Variants in UBE3C observed in about 807,000 individuals in gnomAD.
The protein encoded by UBE3C is ubiquitin-protein ligase E3C.
Under a neutral mutation model 129.4 loss-of-function variants are expected in UBE3C, and 42 were observed. The observed-to-expected ratio is 0.32, with a 90% CI of 0.25 to 0.42. The LOEUF (loss-of-function observed/expected upper bound fraction) is 0.42. UBE3C is among the 10% of genes least tolerant of loss of function. UBE3C has a pLI of 1.00. For synonymous variants in UBE3C, 510 were observed against 492.4 expected (o/e 1.04, Z -0.47); for missense variants, 1,049 against 1,319.1 (o/e 0.80, Z 3.17).
At chr7:157,183,513 C>T (rs1808724622) in intron 8 of UBE3C, among the ~76,000 whole-genome samples, 2 of 152,248 alleles carry the variant, frequency 1.3e-5, no homozygotes, top group South Asian at 2.1e-4. Flanking sequence ...CAGACAGCCC[C>T]TTGGAAGTTG....
chr7:157,210,210 GT>G (rs1284407033), intron 13 of UBE3C, among the ~76,000 whole-genome samples: 1 of 151,702 alleles, frequency 6.6e-6, no homozygotes, highest in African/African-American at 2.4e-5. Context: ...CCTTTTTTTT[GT>G]TGGTGGTGGT....
intron 4 of UBE3C, among the ~76,000 whole-genome samples, chr7:157,173,899 T>C (rs527428445): frequency 5.9e-5 from 9 of 152,356 alleles, no homozygotes; most frequent in Admixed American, 3.9e-4. Flanking sequence ...TTCAGAATTA[T>C]TTCATCCCAG....
chr7:157,198,859 G>T (rs1453094540), intron 10 of UBE3C, among the ~76,000 whole-genome samples: 1 of 152,106 alleles, frequency 6.6e-6, no homozygotes, highest in South Asian at 2.1e-4. Flanking sequence ...TTAATAGTTT[G>T]TTTTATTATT....
intron 18 of UBE3C, among the ~76,000 whole-genome samples, chr7:157,244,503 C>CAT (rs1796426272): frequency 6.6e-6 from 1 of 152,038 alleles, no homozygotes; most frequent in South Asian, 2.1e-4. Flanking sequence ...TAAAGCAAGA[C>CAT]ATCATCTCTT....
chr7:157,139,959 G>A (rs1248335486), intron 1 of UBE3C: 1 of 985,054 alleles, frequency 1.0e-6, no homozygotes, highest in Non-Finnish European at 1.2e-6. Flanking sequence ...CAGCCTCCTG[G>A]AAACTGTGGA....
rs1349709282 is a variant in UBE3C, at chr7:157,254,230, A to ACTTTTTTC, written c.2884-10_2884-3dup. The ACTTTTTTC allele has an allele frequency of 2.5e-6, 4 of 1,611,204 alleles. No homozygotes were observed. Among genetic ancestry groups the ACTTTTTTC allele is most frequent in the Non-Finnish European group, 2.5e-6 (3 of 1,179,228 alleles). On this transcript the variant is annotated splice_polypyrimidine_tract_variant and intron_variant, in intron 20 of 22. Transcript: ENST00000348165. ...ATTTACCTCAAATGTTATTATTTGA[A>ACTTTTTTC]CTTTTTTCCTTAGGTATTAATTTCT...
At chr7:157,168,867 G>A (rs572270864) in intron 2 of UBE3C, among the ~76,000 whole-genome samples, 181 bp from the exon 3 acceptor site, 6 of 152,292 alleles carry the variant, frequency 3.9e-5, no homozygotes, top group African/African-American at 1.4e-4. Flanking sequence ...AAGATCAGTG[G>A]TGATGGTTGC....
intron 13 of UBE3C, among the ~76,000 whole-genome samples, chr7:157,213,895 A>G (rs181189495): frequency 1.4e-4 from 22 of 152,352 alleles, no homozygotes; most frequent in Admixed American, 1.4e-3. Flanking sequence ...TGTCCCATGC[A>G]ATATTGTGGA....
At chr7:157,161,667 T>A (rs1177691701) in intron 1 of UBE3C, among the ~76,000 whole-genome samples, 1 of 151,904 alleles carries the variant, frequency 6.6e-6, no homozygotes, top group Non-Finnish European at 1.5e-5. Flanking sequence ...TAGCCCAGGC[T>A]GGTCTCATAC....
intron 2 of UBE3C, among the ~76,000 whole-genome samples, chr7:157,167,970 A>T (rs778175823): frequency 6.6e-6 from 1 of 152,204 alleles, no homozygotes; most frequent in Non-Finnish European, 1.5e-5. Context: ...GTCAATGAAA[A>T]TTGGAATTTT....
chr7:157,184,104 C>T (rs1027863920), intron 9 of UBE3C, 75 bp downstream of exon 9: 22 of 1,561,388 alleles, frequency 1.4e-5, no homozygotes, highest in African/African-American at 2.7e-5. Context: ...TCTGTCCACC[C>T]GTAGTTTCAG....
intron 13 of UBE3C, among the ~76,000 whole-genome samples, chr7:157,216,501 C>G (rs1795577686): frequency 6.6e-6 from 1 of 152,072 alleles, no homozygotes; most frequent in African/African-American, 2.4e-5. Context: ...CCCTCTCCCT[C>G]CTCCCACCCT....
At chr7:157,152,110 CGTG>C (rs1433150455) in intron 1 of UBE3C, among the ~76,000 whole-genome samples, 3 of 152,008 alleles carry the variant, frequency 2.0e-5, no homozygotes, top group African/African-American at 7.2e-5. Flanking sequence ...ACCATGGAGA[CGTG>C]GTGTTCAGCT....
At chr7:157,210,926 C>T (rs936598242) in intron 13 of UBE3C, among the ~76,000 whole-genome samples, 11 of 152,198 alleles carry the variant, frequency 7.2e-5, no homozygotes, top group African/African-American at 2.2e-4. Flanking sequence ...ATTGAGGTCA[C>T]TTTCTAAGCC....
Position 157,184,005 on chromosome 7 carries a change from A to G in UBE3C, c.1119A>G (p.Glu373=), listed in dbSNP as rs777371276. 2 of 1,614,146 alleles carry G rather than the reference A, an allele frequency of 1.2e-6. No homozygotes were observed. Among genetic ancestry groups the G allele is most frequent in the South Asian group, 1.1e-5 (1 of 91,084 alleles). Residue 373 remains glutamate, a synonymous_variant, in exon 9 of 23, where the codon GAA becomes GAG. Transcript: ENST00000348165. ...CCAGTGACTCTGAGGAGGAGAGTGA[A>G]GAAGCCGACAAGCCCTCAAGCCCGG... ...DSASDSEEES[E]EADKPSSPED... is the part of the protein sequence containing the mutation.
In UBE3C at chr7:157,254,316, T is replaced by A. The variant is rs2116694292; in HGVS notation, c.2950+6T>A. 4.4e-6 allele frequency: 7 copies of A among 1,580,864 alleles called. No individual in the cohort carries two copies. The East Asian group carries it at 1.4e-4, about 31-fold the overall frequency. On this transcript the variant is annotated splice_donor_region_variant and intron_variant, in intron 21 of 22. Transcript: ENST00000348165. ...ATCCTTTACAAACTATTCAGGTATG[T>A]TATCACTGCTAGTTATTGTTTCTGA...
intron 16 of UBE3C, among the ~76,000 whole-genome samples, chr7:157,223,577 A>G (rs1417434716): frequency 3.5e-3 from 2 of 578 alleles, no homozygotes; most frequent in Non-Finnish European, 4.8e-3. Context: ...AAAGCCAGTA[A>G]ACACTATAGA....
rs199677174 is a variant in UBE3C, at chr7:157,254,319, T to C, written c.2950+9T>C. ...CTTTACAAACTATTCAGGTATGTTA[T>C]CACTGCTAGTTATTGTTTCTGAAAA... is the stretch of plus-strand genomic sequence containing the variant. On this transcript the variant is annotated intron_variant, in intron 21 of 22. Coordinates refer to ENST00000348165, the MANE Select transcript of UBE3C (RefSeq NM_014671.3). 1.1e-4 allele frequency: 171 copies of C among 1,571,564 alleles called. No individual in the cohort carries two copies. The African/African-American group carries it at 2.2e-3, about 20-fold the overall frequency.
intron 1 of UBE3C, among the ~76,000 whole-genome samples, chr7:157,155,646 A>G (rs1807882332): frequency 6.6e-6 from 1 of 152,218 alleles, no homozygotes; most frequent in African/African-American, 2.4e-5. Context: ...CTTTGTTACC[A>G]CTAAATTTAT....
Sources: gnomAD v4.1 joint callset for allele counts (sites outside exome capture counted in the v4.1 genomes callset) on GRCh38, gnomAD v4.1.1 for gene constraint, MANE v1.5 for transcripts, NCBI Gene and HGNC (gene_info 2026-07-23, HGNC 2026-07-21) for gene names.